Variants in TXNL1 observed in about 807,000 individuals in gnomAD.
TXNL1 encodes thioredoxin like 1.
A neutral mutation model predicts 35.5 loss-of-function variants in TXNL1; 14 were observed. The ratio of observed to expected loss-of-function variants is 0.39; its 90% CI spans 0.26 to 0.62. The LOEUF is 0.62. TXNL1 is among the 20% of genes least tolerant of loss of function. The pLI, the probability that TXNL1 is intolerant of heterozygous loss-of-function variation, is 0.47. For missense variants in TXNL1, 263 were observed against 349.7 expected (o/e 0.75, Z 1.98); for synonymous variants, 110 against 115.5 (o/e 0.95, Z 0.31).
At chr18:56,611,333 C>G (rs1176181593) in intron 6 of TXNL1, among the ~76,000 whole-genome samples, 1 of 151,836 alleles carries the variant, frequency 6.6e-6, no homozygotes, top group Non-Finnish European at 1.5e-5. Flanking sequence ...AACCCCATCT[C>G]TACTAAAAAC....
At position 56,597,420 on chromosome 18, in the gene TXNL1, C is replaced by T. The variant is rs899733577; in HGVS notation, c.*5607G>A. On this transcript the variant is annotated 3_prime_UTR_variant, in exon 8 of 8. Transcript: ENST00000217515. ...AGTTTATTAATATGATCAATGATTC[C>T]TATAATTAAGCACTAGAAAGACTGT... The T allele has an allele frequency of 6.6e-6, 1 of 152,126 alleles. No individual in the cohort carries two copies. The highest frequency in any genetic ancestry group is 2.4e-5 in the African/African-American group (1 of 41,442). 9.4% of individuals were successfully genotyped at this position (152,126 alleles called of 1,614,324 possible). A position where few individuals can be genotyped will look rare whatever the true frequency, so the allele number is the denominator to read the frequency against.
chr18:56,612,015 A>ATTTTTTTTTTTTTTT, intron 6 of TXNL1, among the ~76,000 whole-genome samples: 1 of 105,478 alleles, frequency 9.5e-6, no homozygotes, highest in Non-Finnish European at 1.8e-5. Context: ...CGCCCGGCTA[A>ATTTTTTTTTTTTTTT]TCTTTTTTTT....
intron 2 of TXNL1, chr18:56,626,056 A>G: frequency 2.4e-6 from 1 of 421,600 alleles, no homozygotes; most frequent in Non-Finnish European, 3.4e-6. Context: ...GGTAGAAGAT[A>G]TAATTCTAGG....
chr18:56,622,794 G>A (rs2024210011), intron 3 of TXNL1, among the ~76,000 whole-genome samples: 2 of 151,986 alleles, frequency 1.3e-5, no homozygotes, highest in African/African-American at 4.8e-5. Context: ...TAAACACAAT[G>A]GTTTACAAGT....
chr18:56,637,405 C>T (rs779672849), intron 1 of TXNL1, among the ~76,000 whole-genome samples: 11 of 152,008 alleles, frequency 7.2e-5, no homozygotes, highest in African/African-American at 2.7e-4. Flanking sequence ...AAGCGGAAAC[C>T]TCTCATACTT....
At chr18:56,614,341 A>C in intron 6 of TXNL1, 83 bp downstream of exon 6, 1 of 1,231,312 alleles carries the variant, frequency 8.1e-7, no homozygotes, top group African/African-American at 1.5e-5. Context: ...ACTTTAAAGA[A>C]TCACTTAGAC....
intron 7 of TXNL1, chr18:56,608,536 T>C (rs2023938973): frequency 6.6e-6 from 1 of 152,168 alleles, no homozygotes; most frequent in African/African-American, 2.4e-5. Flanking sequence ...CTTGTAGCAG[T>C]TCTCAAAGTG....
chr18:56,607,290 C>G (rs1436960290), intron 7 of TXNL1, among the ~76,000 whole-genome samples: 1 of 151,512 alleles, frequency 6.6e-6, no homozygotes, highest in Admixed American at 6.6e-5. Context: ...GTAGCTGGGA[C>G]TACAGGTGCA....
chr18:56,638,204 A>T, intron 1 of TXNL1, 139 bp downstream of exon 1: 1 of 848,104 alleles, frequency 1.2e-6, no homozygotes, highest in Non-Finnish European at 1.8e-6. Flanking sequence ...AACGAGGCCT[A>T]ATTCCGGCAG....
chr18:56,606,852 C>T (rs1340564888), intron 7 of TXNL1, among the ~76,000 whole-genome samples: 3 of 152,124 alleles, frequency 2.0e-5, no homozygotes, highest in Non-Finnish European at 4.4e-5. Flanking sequence ...TTTCAACTGC[C>T]TATGGTGCAG....
At chr18:56,636,607 G>T (rs920051720) in intron 1 of TXNL1, among the ~76,000 whole-genome samples, 1 of 152,060 alleles carries the variant, frequency 6.6e-6, no homozygotes, top group Non-Finnish European at 1.5e-5. Flanking sequence ...CTTTTTAAAT[G>T]TAACAGTTCC....
At chr18:56,624,869 G>T (rs112295462) in intron 2 of TXNL1, among the ~76,000 whole-genome samples, 419 of 152,214 alleles carry the variant, frequency 2.8e-3, no homozygotes, top group Non-Finnish European at 4.9e-3. Context: ...TCTGAAAACC[G>T]GTAGCCAATC....
intron 1 of TXNL1, among the ~76,000 whole-genome samples, chr18:56,637,496 G>A (rs8083576): frequency 0.088 from 13,378 of 152,232 alleles, 1,379 homozygotes; most frequent in African/African-American, 0.25. Context: ...TCAACGCCGA[G>A]TTCCAACATG....
Position 56,610,969 on chromosome 18 carries a change from G to A in TXNL1, c.840+24C>T, listed in dbSNP as rs75018817. On this transcript the variant is annotated intron_variant, in intron 7 of 7. Transcript: ENST00000217515. ...ATTAAAATTATATTTTTACTATCCCGAAGTATCATTTAAGCAAACTTACTC... is the reference window on the plus strand; with the variant it reads ...ATTAAAATTATATTTTTACTATCCCAAAGTATCATTTAAGCAAACTTACTC... 2.6e-3 allele frequency: 3,686 copies of A among 1,424,988 alleles called. 77 individuals carry two copies. The African/African-American group carries it at 0.048, about 19-fold the overall frequency. 88.3% of individuals were successfully genotyped at this position (1,424,988 alleles called of 1,614,324 possible). A position where few individuals can be genotyped will look rare whatever the true frequency, so the allele number is the denominator to read the frequency against.
intron 6 of TXNL1, among the ~76,000 whole-genome samples, chr18:56,613,490 C>T (rs1020021855): frequency 2.0e-5 from 3 of 152,082 alleles, no homozygotes; most frequent in Non-Finnish European, 2.9e-5. Context: ...ATCTAAAATA[C>T]ATCACTTAAA....
chr18:56,624,102 C>G (rs763535868), intron 3 of TXNL1, among the ~76,000 whole-genome samples, 186 bp downstream of exon 3: 28 of 152,018 alleles, frequency 1.8e-4, no homozygotes, highest in Non-Finnish European at 1.9e-4. Flanking sequence ...AGAGGCTTAA[C>G]ACACACACAA....
chr18:56,604,758 T>G (rs534772694), intron 7 of TXNL1, among the ~76,000 whole-genome samples: 34 of 152,264 alleles, frequency 2.2e-4, no homozygotes, highest in Middle Eastern at 3.4e-3. Flanking sequence ...AAAAGGACTT[T>G]GGGGCTAACA....
intron 4 of TXNL1, among the ~76,000 whole-genome samples, chr18:56,617,067 A>T (rs1021773818): frequency 6.6e-6 from 1 of 152,174 alleles, no homozygotes; most frequent in South Asian, 2.1e-4. Context: ...TTTTTAGGGC[A>T]CCATTTACAA....
At chr18:56,630,972 T>A (rs2024361074) in intron 1 of TXNL1, among the ~76,000 whole-genome samples, 1 of 151,922 alleles carries the variant, frequency 6.6e-6, no homozygotes, top group Non-Finnish European at 1.5e-5. Flanking sequence ...CCTCATTCCC[T>A]CAGGCTCAAG....
Sources: allele counts gnomAD v4.1 joint callset (sites outside exome capture counted in the v4.1 genomes callset), GRCh38; gene constraint gnomAD v4.1.1; transcripts MANE v1.5; gene names NCBI Gene and HGNC (gene_info 2026-07-23, HGNC 2026-07-21).